LRBA: variants seen among roughly 807,000 people sequenced by gnomAD.
LRBA encodes the protein lipopolysaccharide-responsive and beige-like anchor protein.
A neutral mutation model predicts 330.0 loss-of-function variants in LRBA; 176 were observed. That is an observed-to-expected ratio of 0.53 (90% CI 0.47 to 0.60). The LOEUF (loss-of-function observed/expected upper bound fraction) is 0.60. Ranked by LOEUF, LRBA falls within the 20% of genes least tolerant of loss-of-function variation. LRBA has a pLI of 0.00. For missense variants in LRBA, 3,259 were observed against 3,444.8 expected (o/e 0.95, Z 1.35); for synonymous variants, 1,230 against 1,193.0 (o/e 1.03, Z -0.64).
rs759065271 is a variant in LRBA at position 150,900,232 on chromosome 4, T to C, written c.1756-15A>G. ...ATCAGTTGAACCTACAGAATAAAAA[T>C]GAAGAACTTAGAGAACCCCACCAGC... On this transcript the variant is annotated splice_polypyrimidine_tract_variant and intron_variant, in intron 13 of 56. Transcript: ENST00000651943. 30 of 1,592,696 alleles carry C rather than the reference T, an allele frequency of 1.9e-5. No individual in the cohort carries two copies. The highest frequency in any genetic ancestry group is 1.7e-4 in the Middle Eastern group (1 of 5,990).
At chr4:150,625,511 T>G (rs1237086179) in intron 37 of LRBA, among the ~76,000 whole-genome samples, 3 of 152,036 alleles carry the variant, frequency 2.0e-5, no homozygotes, top group Non-Finnish European at 4.4e-5. Context: ...AATATCTTAA[T>G]CTAACTTGAA....
intron 47 of LRBA, among the ~76,000 whole-genome samples, chr4:150,380,832 A>T (rs1267903611): frequency 7.3e-6 from 1 of 136,800 alleles, no homozygotes; most frequent in Admixed American, 7.4e-5. Context: ...AAAAAAAAAA[A>T]TTAGCCAGGT....
At chr4:150,912,757 GT>G (rs1267055168) in intron 9 of LRBA, among the ~76,000 whole-genome samples, 2 of 151,960 alleles carry the variant, frequency 1.3e-5, no homozygotes, top group Non-Finnish European at 2.9e-5. Flanking sequence ...AACTTTATTT[GT>G]TGTTCTTTTT....
At chr4:150,324,524 G>GA (rs1394956047) in intron 49 of LRBA, among the ~76,000 whole-genome samples, 3 of 144,628 alleles carry the variant, frequency 2.1e-5, no homozygotes, top group Non-Finnish European at 4.5e-5. Context: ...TAAAGAAGGA[G>GA]AAAAAATCTT....
chr4:150,953,412 C>A (rs1331477968), intron 2 of LRBA, among the ~76,000 whole-genome samples: 1 of 145,284 alleles, frequency 6.9e-6, no homozygotes, highest in Non-Finnish European at 1.5e-5. Context: ...CCTCTGATGC[C>A]GAGCCAAGGC....
At chr4:150,482,928 A>G (rs1757456126) in intron 42 of LRBA, among the ~76,000 whole-genome samples, 1 of 151,906 alleles carries the variant, frequency 6.6e-6, no homozygotes, top group African/African-American at 2.4e-5. Flanking sequence ...GTGCTTTATC[A>G]CACATAAGTT....
At chr4:150,360,198 G>A (rs1738490009) in intron 47 of LRBA, among the ~76,000 whole-genome samples, 1 of 151,202 alleles carries the variant, frequency 6.6e-6, no homozygotes, top group Non-Finnish European at 1.5e-5. Context: ...TCGCTGTGTT[G>A]CCCAGGCCAG....
chr4:150,573,004 A>G (rs2152286490), intron 40 of LRBA, among the ~76,000 whole-genome samples: 1 of 152,254 alleles, frequency 6.6e-6, no homozygotes, highest in South Asian at 2.1e-4. Context: ...GGACAACCTA[A>G]CGATATGAAA....
At chr4:150,960,241 T>A (rs1033057494) in intron 2 of LRBA, among the ~76,000 whole-genome samples, 1 of 149,038 alleles carries the variant, frequency 6.7e-6, no homozygotes, top group Non-Finnish European at 1.5e-5. Flanking sequence ...AGAGACAACC[T>A]GACATAAGAG....
intron 30 of LRBA, among the ~76,000 whole-genome samples, chr4:150,821,977 G>A (rs768032592): frequency 6.6e-6 from 1 of 152,072 alleles, no homozygotes; most frequent in African/African-American, 2.4e-5. Flanking sequence ...TGTGATTTCT[G>A]ACATAGCATT....
intron 22 of LRBA, among the ~76,000 whole-genome samples, chr4:150,856,451 T>A (rs1751243785): frequency 6.6e-6 from 1 of 152,206 alleles, no homozygotes; most frequent in Non-Finnish European, 1.5e-5. Flanking sequence ...CAGTGCCTTC[T>A]TAAGAAAGGA....
At chr4:150,950,389 C>G (rs1175269203) in intron 2 of LRBA, among the ~76,000 whole-genome samples, 3 of 152,098 alleles carry the variant, frequency 2.0e-5, no homozygotes, top group Non-Finnish European at 4.4e-5. Context: ...ACATACATTA[C>G]TTAATACTTC....
intron 17 of LRBA, 132 bp downstream of exon 17, chr4:150,892,920 G>A: frequency 1.8e-6 from 1 of 551,200 alleles, no homozygotes. Context: ...TTATAAATGG[G>A]TCTTAAATCT....
intron 46 of LRBA, among the ~76,000 whole-genome samples, chr4:150,425,217 A>T (rs893902408): frequency 2.0e-5 from 3 of 152,256 alleles, no homozygotes; most frequent in African/African-American, 7.2e-5. Flanking sequence ...TACAAAGTGA[A>T]GTATGTTTTA....
intron 24 of LRBA, 63 bp downstream of exon 24, chr4:150,850,661 G>C (rs1750506618): frequency 1.0e-6 from 1 of 976,144 alleles, no homozygotes; most frequent in East Asian, 2.7e-5. Context: ...CTGTTTCTAT[G>C]GATTTCTTTG....
At chr4:150,777,064 G>GTTT (rs760287610) in intron 34 of LRBA, among the ~76,000 whole-genome samples, 78 of 101,094 alleles carry the variant, frequency 7.7e-4, no homozygotes, top group African/African-American at 2.1e-3. Context: ...TTTTTGAGGG[G>GTTT]TTTTGTTGTT....
Position 150,781,464 on chromosome 4 carries a change from T to C in LRBA, c.5580+16617A>G, listed in dbSNP as rs114974129. 4.6e-3 allele frequency among the ~76,000 whole-genome samples: 697 copies of C among 152,338 alleles called. 6 individuals are homozygous for C. The highest frequency in any genetic ancestry group is 0.016 in the African/African-American group (666 of 41,586). On this transcript the variant is annotated intron_variant, in intron 34 of 56. Transcript: ENST00000651943. Reference sequence around the variant, plus strand: ...GGAGCTCAGGCAGTAATGCCAGTGATAGGGAGCGGCTATAAATACAGATGA... The same window carrying C: ...GGAGCTCAGGCAGTAATGCCAGTGACAGGGAGCGGCTATAAATACAGATGA...
At chr4:150,615,239 T>G (rs1226118147) in intron 37 of LRBA, among the ~76,000 whole-genome samples, 1 of 152,210 alleles carries the variant, frequency 6.6e-6, no homozygotes, top group Non-Finnish European at 1.5e-5. Flanking sequence ...GCCAAATCAT[T>G]TAAGTCTTCA....
chr4:150,964,214 C>T (rs1738609911), intron 2 of LRBA, among the ~76,000 whole-genome samples: 1 of 148,524 alleles, frequency 6.7e-6, no homozygotes, highest in Admixed American at 6.6e-5. Flanking sequence ...TGAGAAGCCC[C>T]TCTGCCCGGC....
Sources: allele counts gnomAD v4.1 joint callset (sites outside exome capture counted in the v4.1 genomes callset), GRCh38; gene constraint gnomAD v4.1.1; transcripts MANE v1.5; gene names NCBI Gene and HGNC (gene_info 2026-07-23, HGNC 2026-07-21).